Variants in MTREX observed in about 807,000 individuals in gnomAD.
The protein encoded by MTREX is exosome RNA helicase MTR4.
In MTREX, 76 loss-of-function variants were observed where a neutral mutation model predicts 135.4. The observed-to-expected ratio is 0.56, with a 90% confidence interval of 0.47 to 0.68. The LOEUF (loss-of-function observed/expected upper bound fraction) is 0.68. MTREX is among the 30% of genes least tolerant of loss of function. The pLI is 0.00. For synonymous variants in MTREX, 404 were observed against 401.6 expected (o/e 1.01, Z -0.07); for missense variants, 920 against 1,262.1 (o/e 0.73, Z 4.11).
chr5:55,349,692 A>T (rs1334980059), intron 12 of MTREX, 40 bp downstream of exon 12: 3 of 1,032,358 alleles, frequency 2.9e-6, no homozygotes, highest in Non-Finnish European at 4.6e-6. Context: ...GTAGATAATA[A>T]TAGATTGCAT....
chr5:55,350,828 G>A, intron 12 of MTREX, 91 bp from the exon 13 acceptor site: 1 of 1,016,298 alleles, frequency 9.8e-7, no homozygotes, highest in South Asian at 1.5e-5. Context: ...TAAAGAGAAA[G>A]CATTCTTTAC....
At chr5:55,310,619 G>A (rs75425730) in intron 1 of MTREX, among the ~76,000 whole-genome samples, 1 of 151,538 alleles carries the variant, frequency 6.6e-6, no homozygotes, top group Non-Finnish European at 1.5e-5. Flanking sequence ...AAAAAAAAAA[G>A]AGAAAAAATC....
intron 19 of MTREX, among the ~76,000 whole-genome samples, chr5:55,392,160 A>G (rs1038666212): frequency 1.3e-5 from 2 of 152,062 alleles, no homozygotes; most frequent in Non-Finnish European, 1.5e-5. Context: ...ATATTTTTTA[A>G]TTGTGTGTGG....
chr5:55,378,803 A>G (rs910772817), intron 17 of MTREX, among the ~76,000 whole-genome samples: 2 of 152,226 alleles, frequency 1.3e-5, no homozygotes, highest in African/African-American at 4.8e-5. Context: ...TATATGAAAA[A>G]TAAGGCAATT....
At chr5:55,361,462 G>A (rs1052736249) in intron 15 of MTREX, among the ~76,000 whole-genome samples, 8 of 152,132 alleles carry the variant, frequency 5.3e-5, no homozygotes, top group African/African-American at 1.9e-4. Context: ...ATTTGAGCAT[G>A]TAAATAATTT....
At chr5:55,412,550 A>G (rs1750899134) in intron 23 of MTREX, among the ~76,000 whole-genome samples, 1 of 152,174 alleles carries the variant, frequency 6.6e-6, no homozygotes, top group South Asian at 2.1e-4. Flanking sequence ...AGGTTTTTGG[A>G]GAAAAGTGAG....
intron 14 of MTREX, among the ~76,000 whole-genome samples, chr5:55,355,688 G>C (rs759416786): frequency 3.3e-5 from 5 of 152,314 alleles, no homozygotes; most frequent in African/African-American, 4.8e-5. Context: ...ATGTCTTTGT[G>C]GGGGCACCAT....
At chr5:55,350,628 C>G (rs1749810388) in intron 12 of MTREX, among the ~76,000 whole-genome samples, 1 of 152,096 alleles carries the variant, frequency 6.6e-6, no homozygotes, top group Non-Finnish European at 1.5e-5. Flanking sequence ...AACTCTGCCC[C>G]TATAATGTGT....
At chr5:55,371,970 T>C (rs1003275937) in intron 16 of MTREX, among the ~76,000 whole-genome samples, 1 of 152,130 alleles carries the variant, frequency 6.6e-6, no homozygotes, top group East Asian at 1.9e-4. Flanking sequence ...TGGAGTGATA[T>C]AAAAAAGAAA....
At chr5:55,318,749 A>G (rs1483061654) in intron 1 of MTREX, among the ~76,000 whole-genome samples, 1 of 152,128 alleles carries the variant, frequency 6.6e-6, no homozygotes, top group East Asian at 1.9e-4. Flanking sequence ...CTTCACATGT[A>G]CCCCAAACCT....
chr5:55,339,830 G>C (rs199788410), intron 5 of MTREX, among the ~76,000 whole-genome samples, 180 bp from the exon 6 acceptor site: 1 of 152,212 alleles, frequency 6.6e-6, no homozygotes, highest in Middle Eastern at 3.4e-3. Flanking sequence ...AATGATTTTA[G>C]ATCACTCTAT....
At chr5:55,364,642 A>G (rs181406438) in intron 15 of MTREX, among the ~76,000 whole-genome samples, 3 of 152,346 alleles carry the variant, frequency 2.0e-5, no homozygotes, top group African/African-American at 7.2e-5. Context: ...GATGGTAGTT[A>G]TAGTAATCTA....
At chr5:55,314,084 C>T (rs773556744) in intron 1 of MTREX, among the ~76,000 whole-genome samples, 2 of 151,976 alleles carry the variant, frequency 1.3e-5, no homozygotes, top group Non-Finnish European at 2.9e-5. Flanking sequence ...ACAAATGATG[C>T]AACAATGTCT....
intron 5 of MTREX, among the ~76,000 whole-genome samples, chr5:55,339,450 T>TA (rs1262635751): frequency 1.3e-5 from 2 of 152,208 alleles, no homozygotes; most frequent in Non-Finnish European, 2.9e-5. Context: ...CAATGTTAAG[T>TA]TTAATGCTAT....
At chr5:55,378,051 C>T (rs1052717175) in intron 16 of MTREX, among the ~76,000 whole-genome samples, 2 of 151,722 alleles carry the variant, frequency 1.3e-5, no homozygotes, top group Non-Finnish European at 1.5e-5. Flanking sequence ...CCCACTCAGT[C>T]TATTAGTAAT....
intron 15 of MTREX, among the ~76,000 whole-genome samples, chr5:55,365,917 G>A (rs1561198783): frequency 6.6e-6 from 1 of 151,916 alleles, no homozygotes; most frequent in East Asian, 1.9e-4. Context: ...CTTGAACCCG[G>A]GAGGCAGAGG....
At position 55,414,252 on chromosome 5, in the gene MTREX, T is replaced by TTC; in HGVS notation, c.2808+15_2808+16insCT. ...CGTCAAATGCAGGTAAGGTTTTTTTTTTTTTTTTTTGAACTACATATTTTA... is the reference window on the plus strand; with the variant it reads ...CGTCAAATGCAGGTAAGGTTTTTTTTTCTTTTTTTTTTGAACTACATATTTTA... On this transcript the variant is annotated intron_variant, in intron 24 of 26. Transcript: ENST00000230640. 6.4e-7 allele frequency: 1 copy of TTC among 1,560,644 alleles called. No homozygotes were observed. The highest frequency in any genetic ancestry group is 8.6e-7 in the Non-Finnish European group (1 of 1,162,808).
intron 21 of MTREX, among the ~76,000 whole-genome samples, chr5:55,402,101 C>T (rs1283888546): frequency 2.0e-5 from 3 of 152,086 alleles, no homozygotes; most frequent in African/African-American, 7.2e-5. Context: ...GTAATGTGTT[C>T]AGTTCATAGT....
chr5:55,373,743 AT>A (rs1750245158), intron 16 of MTREX, among the ~76,000 whole-genome samples: 1 of 145,616 alleles, frequency 6.9e-6, no homozygotes, highest in South Asian at 2.2e-4. Context: ...AGTGTCTAAA[AT>A]TTTGGAGACC....
Sources: gnomAD v4.1 joint callset for allele counts (sites outside exome capture counted in the v4.1 genomes callset) on GRCh38, gnomAD v4.1.1 for gene constraint, MANE v1.5 for transcripts, NCBI Gene and HGNC (gene_info 2026-07-23, HGNC 2026-07-21) for gene names.